Variants in DNAH7 observed in about 807,000 individuals in gnomAD.
DNAH7 encodes axonemal beta dynein heavy chain 7.
Under a neutral mutation model 444.6 loss-of-function variants are expected in DNAH7, and 397 were observed. The ratio of observed to expected loss-of-function variants is 0.89; its 90% CI spans 0.82 to 0.97. The LOEUF is 0.97. Among genes scored for constraint, DNAH7 ranks in the 50% least tolerant of loss-of-function variants. DNAH7 has a pLI of 0.00. For synonymous variants in DNAH7, 1,636 were observed against 1,624.4 expected (o/e 1.01, Z -0.17); for missense variants, 4,902 against 4,800.8 (o/e 1.02, Z -0.62).
At chr2:196,014,114 G>A (rs1338160896) in intron 9 of DNAH7, among the ~76,000 whole-genome samples, 3 of 152,172 alleles carry the variant, frequency 2.0e-5, no homozygotes, top group African/African-American at 7.2e-5. Flanking sequence ...TACCCATCTG[G>A]TCAATAGGAT....
At chr2:195,893,821 C>A (rs1702150401) in intron 30 of DNAH7, 1 of 152,144 alleles carries the variant, frequency 6.6e-6, no homozygotes, top group Non-Finnish European at 1.5e-5. Flanking sequence ...ACAAGTGGAC[C>A]AGAATACATG....
intron 58 of DNAH7, among the ~76,000 whole-genome samples, chr2:195,782,131 T>G (rs1695419926): frequency 6.6e-6 from 1 of 152,178 alleles, no homozygotes; most frequent in Non-Finnish European, 1.5e-5. Flanking sequence ...TATTTAGTCT[T>G]TTTGGATCCA....
At chr2:196,013,440 T>C (rs1028309902) in intron 9 of DNAH7, among the ~76,000 whole-genome samples, 9 of 152,198 alleles carry the variant, frequency 5.9e-5, no homozygotes, top group African/African-American at 9.6e-5. Context: ...TTGACTACAA[T>C]GTTATAGATC....
At chr2:195,785,301 G>A (rs941953940) in intron 58 of DNAH7, among the ~76,000 whole-genome samples, 4 of 152,038 alleles carry the variant, frequency 2.6e-5, no homozygotes, top group African/African-American at 7.2e-5. Context: ...TTTCGGATAC[G>A]TCTTTTACAA....
At chr2:195,921,934 C>A (rs755130317) in intron 24 of DNAH7, among the ~76,000 whole-genome samples, 154 bp downstream of exon 24, 2 of 151,966 alleles carry the variant, frequency 1.3e-5, no homozygotes, top group South Asian at 4.2e-4. Context: ...AAAGAGAAAA[C>A]GAAGACAAAC....
intron 24 of DNAH7, among the ~76,000 whole-genome samples, chr2:195,921,036 A>T (rs1288535464): frequency 6.6e-6 from 1 of 152,210 alleles, no homozygotes; most frequent in Non-Finnish European, 1.5e-5. Context: ...TTCCTGAAGA[A>T]TGGTCATAAT....
chr2:195,966,644 T>C (rs545580201), intron 17 of DNAH7, among the ~76,000 whole-genome samples: 15 of 152,200 alleles, frequency 9.9e-5, no homozygotes, highest in Non-Finnish European at 1.8e-4. Flanking sequence ...GTTTGTTGCA[T>C]ATAAATTATA....
rs1265063719 is a variant in DNAH7, at chr2:195,799,318, AG to A, written c.10330del (p.Leu3444PhefsTer2). 1 of 1,588,220 alleles carries A rather than the reference AG, an allele frequency of 6.3e-7. No individual in the cohort carries two copies. The highest frequency in any genetic ancestry group is 8.6e-7 in the Non-Finnish European group (1 of 1,167,816). On this transcript the variant is annotated frameshift_variant, in exon 55 of 65. Transcript: ENST00000312428. LOFTEE classifies it high-confidence loss of function. The stretch of plus-strand genomic sequence containing the variant: ...TACCTGGTCATCAGCAAATTTTAGA[AG>A]GGCAGCCATGGGATCTGCTCCAGGA... The part of the protein sequence containing the change: ...LSPGADPMAA[L>X]LKFADDQGYG...
rs986381965 is a variant in DNAH7 at position 196,001,924 on chromosome 2, T to G, written c.990-66A>C. The G allele has an allele frequency of 8.4e-6, 11 of 1,305,168 alleles. No individual in the cohort carries two copies. The South Asian group carries it at 1.8e-4, about 21-fold the overall frequency. The allele number at this position is 1,305,168 out of a possible 1,614,324, so 80.8% of individuals were successfully genotyped here. ...TGAATTACTCCTTTTATATTAAGCA[T>G]TAACACTAATTTCTGGACATCTAAA... On this transcript the variant is annotated intron_variant, in intron 10 of 64. Coordinates refer to ENST00000312428, the MANE Select transcript of DNAH7 (RefSeq NM_018897.3).
rs1164525640 is a variant in DNAH7 at position 195,888,994 on chromosome 2, T to C, written c.5047-13A>G. On this transcript the variant is annotated splice_polypyrimidine_tract_variant and intron_variant, in intron 31 of 64. Transcript: ENST00000312428. Reference sequence around the variant, plus strand: ...TCCTATCTGGAGTCTGTTTCATGCATATGTGAACAGAGGGCAAAAACGTAA... The same window carrying C: ...TCCTATCTGGAGTCTGTTTCATGCACATGTGAACAGAGGGCAAAAACGTAA... 5.6e-6 allele frequency: 9 copies of C among 1,604,878 alleles called. No individual in the cohort carries two copies. The highest frequency in any genetic ancestry group is 2.2e-5 in the East Asian group (1 of 44,706).
chr2:195,888,551 TTATATAA>T, intron 32 of DNAH7, 117 bp from the exon 33 acceptor site: 1 of 1,113,526 alleles, frequency 9.0e-7, no homozygotes, highest in Non-Finnish European at 1.2e-6. Flanking sequence ...AAGCTTAATA[TTATATAA>T]TTTCATGATG....
intron 19 of DNAH7, among the ~76,000 whole-genome samples, chr2:195,954,151 A>T (rs1202402720): frequency 6.6e-6 from 1 of 152,106 alleles, no homozygotes; most frequent in Non-Finnish European, 1.5e-5. Flanking sequence ...AACATTAGGT[A>T]TATCTCCTAA....
rs904959626 is a variant in DNAH7 at position 195,740,105 on chromosome 2, T to A, written c.11868+661A>T. ...TTCAAGCGATTCTCCTGCCTCAGCC[T>A]CCCTAGTAGCTGGGATTACAGGCAC... On this transcript the variant is annotated intron_variant, in intron 64 of 64. Transcript: ENST00000312428. Among the ~76,000 whole-genome samples, 33 of 152,116 alleles carry A rather than the reference T, an allele frequency of 2.2e-4. 1 individual carries two copies. Among genetic ancestry groups the A allele is most frequent in the Non-Finnish European group, 7.4e-5 (5 of 68,020 alleles).
intron 30 of DNAH7, chr2:195,893,487 C>G (rs536667767): frequency 6.6e-6 from 1 of 152,456 alleles, no homozygotes; most frequent in Non-Finnish European, 1.5e-5. Flanking sequence ...CCCGCCTCAG[C>G]CTCCCAAAGT....
intron 15 of DNAH7, among the ~76,000 whole-genome samples, chr2:195,976,228 C>T (rs537737586): frequency 1.3e-5 from 2 of 151,270 alleles, no homozygotes; most frequent in Admixed American, 1.3e-4. Flanking sequence ...GGTTTAGCAA[C>T]ATGCACCACA....
chr2:195,746,749 G>A (rs1464045169), intron 63 of DNAH7, among the ~76,000 whole-genome samples: 1 of 152,092 alleles, frequency 6.6e-6, no homozygotes, highest in Non-Finnish European at 1.5e-5. Context: ...AATGACTACT[G>A]GGTACATAAC....
intron 17 of DNAH7, among the ~76,000 whole-genome samples, chr2:195,969,568 G>T (rs1428794814): frequency 6.6e-6 from 1 of 152,126 alleles, no homozygotes; most frequent in African/African-American, 2.4e-5. Context: ...AATCTAAGCT[G>T]TCCTCTATGA....
chr2:195,914,804 C>A (rs908487779), intron 24 of DNAH7, among the ~76,000 whole-genome samples: 10 of 152,124 alleles, frequency 6.6e-5, no homozygotes, highest in African/African-American at 2.4e-4. Context: ...GCTGGGATTA[C>A]AGGCATGTAC....
At chr2:196,002,259 T>C (rs958146557) in intron 10 of DNAH7, among the ~76,000 whole-genome samples, 1 of 152,222 alleles carries the variant, frequency 6.6e-6, no homozygotes, top group African/African-American at 2.4e-5. Context: ...AGGGAGGGCT[T>C]ATACCATGTT....
Sources: gnomAD v4.1 joint callset for allele counts (sites outside exome capture counted in the v4.1 genomes callset) on GRCh38, gnomAD v4.1.1 for gene constraint, MANE v1.5 for transcripts, NCBI Gene and HGNC (gene_info 2026-07-23, HGNC 2026-07-21) for gene names.